BICDL1: variants seen among roughly 807,000 people sequenced by gnomAD.
BICDL1 encodes BICD family-like cargo adapter 1.
Under a neutral mutation model 76.8 loss-of-function variants are expected in BICDL1, and 20 were observed. That is an observed-to-expected ratio of 0.26 (90% CI 0.18 to 0.38). The LOEUF (loss-of-function observed/expected upper bound fraction) is 0.38, where lower values mean the gene tolerates loss of function less well. Ranked by LOEUF, BICDL1 falls within the 10% of genes least tolerant of loss-of-function variation. BICDL1 has a pLI of 1.00. For missense variants in BICDL1, 700 were observed against 798.6 expected, an observed-to-expected ratio of 0.88 and a Z score of 1.49; for synonymous variants, 383 against 337.1, an observed-to-expected ratio of 1.14 and a Z score of -1.49.
intron 8 of BICDL1, among the ~76,000 whole-genome samples, chr12:120,089,675 C>A (rs1874795994): frequency 6.6e-6 from 1 of 152,250 alleles, no homozygotes; most frequent in African/African-American, 2.4e-5. Context: ...AGCCACCACA[C>A]CCGGCCTCAA....
chr12:120,036,491 C>G (rs1215518590), intron 2 of BICDL1, among the ~76,000 whole-genome samples: 1 of 152,178 alleles, frequency 6.6e-6, no homozygotes, highest in African/African-American at 2.4e-5. Context: ...TAAATTTTAT[C>G]TGGAATTGTA....
chr12:120,039,749 A>G (rs973824501), intron 2 of BICDL1, among the ~76,000 whole-genome samples: 4 of 152,132 alleles, frequency 2.6e-5, no homozygotes, highest in African/African-American at 7.2e-5. Flanking sequence ...AGGAATGGAC[A>G]GATTCTGGCC....
At chr12:120,057,507 A>G (rs1037534477) in intron 2 of BICDL1, among the ~76,000 whole-genome samples, 1 of 152,232 alleles carries the variant, frequency 6.6e-6, no homozygotes, top group Non-Finnish European at 1.5e-5. Context: ...AGAGTTATAT[A>G]TAAACTTAAG....
chr12:119,995,478 G>A lies in BICDL1; in HGVS notation c.430-3043G>A, dbSNP rs779681740. On this transcript the variant is annotated intron_variant, in intron 1 of 9. Coordinates refer to ENST00000548673, the MANE Select transcript of BICDL1 (RefSeq NM_001367886.1). ...TTGGTTGGGCTCTTCACTAACAGCT[G>A]TTTGCTGAATATTTTTAAGTCACTC... Among the ~76,000 whole-genome samples the A allele has an allele frequency of 4.6e-5, 7 of 152,266 alleles. No homozygotes were observed. In the East Asian group the frequency reaches 7.7e-4, roughly 17 times the overall value.
At chr12:120,005,576 G>A (rs562048120) in intron 2 of BICDL1, among the ~76,000 whole-genome samples, 2 of 152,258 alleles carry the variant, frequency 1.3e-5, no homozygotes, top group South Asian at 4.1e-4. Context: ...GTTTTGCCAT[G>A]TTGGCAGGCT....
chr12:120,053,471 G>A (rs1165376564), intron 2 of BICDL1, among the ~76,000 whole-genome samples: 1 of 152,110 alleles, frequency 6.6e-6, no homozygotes, highest in Non-Finnish European at 1.5e-5. Context: ...TGTAGACTCA[G>A]GAATATTTAT....
At chr12:120,033,697 G>A (rs1246856396) in intron 2 of BICDL1, among the ~76,000 whole-genome samples, 1 of 151,900 alleles carries the variant, frequency 6.6e-6, no homozygotes, top group Admixed American at 6.6e-5. Flanking sequence ...GAGAGTTCTT[G>A]CTTTTAAATT....
chr12:120,048,185 T>G (rs1381761185), intron 2 of BICDL1, among the ~76,000 whole-genome samples: 1 of 145,936 alleles, frequency 6.9e-6, no homozygotes, highest in East Asian at 2.0e-4. Context: ...TGAATTTACC[T>G]TTTTTTTTTT....
At chr12:120,088,823 T>TG (rs910245337) in intron 8 of BICDL1, among the ~76,000 whole-genome samples, 1 of 152,106 alleles carries the variant, frequency 6.6e-6, no homozygotes, top group African/African-American at 2.4e-5. Flanking sequence ...CCTGCCGCCA[T>TG]GCCTGGCTAA....
chr12:120,046,031 G>A (rs541344308), intron 2 of BICDL1, among the ~76,000 whole-genome samples: 2 of 152,116 alleles, frequency 1.3e-5, no homozygotes, highest in Non-Finnish European at 2.9e-5. Flanking sequence ...AGGTGGACAT[G>A]TTCTTAGGAA....
chr12:120,025,947 G>C (rs1952291824), intron 2 of BICDL1, among the ~76,000 whole-genome samples: 2 of 151,762 alleles, frequency 1.3e-5, no homozygotes, highest in Non-Finnish European at 2.9e-5. Context: ...AAGTGATTCT[G>C]CTGCCTCAGC....
At chr12:120,078,818 G>T (rs1198743892) in intron 7 of BICDL1, among the ~76,000 whole-genome samples, 3 of 152,234 alleles carry the variant, frequency 2.0e-5, no homozygotes, top group Non-Finnish European at 2.9e-5. Context: ...AGTTTTACCT[G>T]TCCCTTACTC....
intron 2 of BICDL1, among the ~76,000 whole-genome samples, chr12:120,002,901 A>C (rs1244887514): frequency 1.3e-5 from 2 of 152,184 alleles, no homozygotes; most frequent in Admixed American, 1.3e-4. Flanking sequence ...TCACGCCTGT[A>C]ATCCCAGCAC....
At chr12:120,058,186 G>A (rs926288793) in intron 2 of BICDL1, among the ~76,000 whole-genome samples, 1 of 152,142 alleles carries the variant, frequency 6.6e-6, no homozygotes, top group African/African-American at 2.4e-5. Flanking sequence ...GAGTTTAAAA[G>A]CTTTTGCTGT....
At chr12:120,091,832 C>G in intron 9 of BICDL1, 1 of 985,324 alleles carries the variant, frequency 1.0e-6, no homozygotes, top group Non-Finnish European at 1.2e-6. Flanking sequence ...ATGGAGGGGC[C>G]CAGCCAGCCC....
intron 2 of BICDL1, chr12:119,999,781 C>G: frequency 2.2e-6 from 1 of 444,860 alleles, no homozygotes; most frequent in South Asian, 1.6e-5. Context: ...CTTGGATTTA[C>G]TATTCTACCT....
chr12:120,040,429 T>TTTTG (rs143843863), intron 2 of BICDL1, among the ~76,000 whole-genome samples: 5 of 152,138 alleles, frequency 3.3e-5, no homozygotes, highest in African/African-American at 9.6e-5. Flanking sequence ...CTTTTTGTTT[T>TTTTG]TTTGTTTGTT....
chr12:120,009,982 C>G (rs1439842858), intron 2 of BICDL1, among the ~76,000 whole-genome samples: 1 of 152,160 alleles, frequency 6.6e-6, no homozygotes, highest in African/African-American at 2.4e-5. Context: ...GTTTGCTCTT[C>G]AGGGATTCTG....
intron 4 of BICDL1, 81 bp downstream of exon 4, chr12:120,064,960 C>A: frequency 6.8e-7 from 1 of 1,474,984 alleles, no homozygotes; most frequent in Non-Finnish European, 9.1e-7. Context: ...GCTGGGAGGC[C>A]AGCATCACTG....
Sources: gnomAD v4.1 joint callset for allele counts (sites outside exome capture counted in the v4.1 genomes callset) on GRCh38, gnomAD v4.1.1 for gene constraint, MANE v1.5 for transcripts, NCBI Gene and HGNC (gene_info 2026-07-23, HGNC 2026-07-21) for gene names.